Variants in RBP7 observed in about 807,000 individuals in gnomAD.
RBP7 encodes the protein retinol binding protein 7.
In RBP7, 13 loss-of-function variants were observed where a neutral mutation model predicts 16.7. That is an observed-to-expected ratio of 0.78 (90% CI 0.51 to 1.24). The LOEUF (loss-of-function observed/expected upper bound fraction) is 1.24, where lower values mean the gene tolerates loss of function less well. RBP7 is among the 50% of genes most tolerant of loss of function. The pLI is 0.00. For synonymous variants in RBP7, 54 were observed against 56.2 expected, an observed-to-expected ratio of 0.96 and a Z score of 0.17; for missense variants, 145 against 159.5, an observed-to-expected ratio of 0.91 and a Z score of 0.49.
At chr1:10,004,957 C>G (rs1642400228) in intron 1 of RBP7, among the ~76,000 whole-genome samples, 2 of 152,078 alleles carry the variant, frequency 1.3e-5, no homozygotes, top group South Asian at 4.1e-4. Context: ...TGCACCACTG[C>G]AGTCCAGCCT....
intron 1 of RBP7, among the ~76,000 whole-genome samples, chr1:10,000,294 G>A (rs1057452802): frequency 2.6e-5 from 4 of 151,716 alleles, no homozygotes; most frequent in Admixed American, 2.6e-4. Context: ...CACTTTGGGA[G>A]GCCGAGGTGG....
chr1:10,002,072 C>T (rs1296875065), intron 1 of RBP7, among the ~76,000 whole-genome samples: 1 of 152,146 alleles, frequency 6.6e-6, no homozygotes, highest in Non-Finnish European at 1.5e-5. Flanking sequence ...AGGTGACCTG[C>T]CTGCCTCGGC....
At position 10,007,784 on chromosome 1, in the gene RBP7, C is replaced by T. The variant is rs758876479; in HGVS notation, c.252+36C>T. 86 of 1,592,584 alleles carry T rather than the reference C, an allele frequency of 5.4e-5. No homozygotes were observed. In the East Asian group the frequency reaches 6.5e-4, roughly 12 times the overall value. On this transcript the variant is annotated intron_variant, in intron 2 of 3. Transcript: ENST00000294435. ...AAGAAATGCCAGGTGCGGTGGATTACGCTTGTAATCCTAACACTTTGGGAG... is the reference window on the plus strand; with the variant it reads ...AAGAAATGCCAGGTGCGGTGGATTATGCTTGTAATCCTAACACTTTGGGAG...
Position 10,001,029 on chromosome 1 carries a change from T to C in RBP7, c.73+3698T>C, listed in dbSNP as rs186704750. On this transcript the variant is annotated intron_variant, in intron 1 of 3. Transcript: ENST00000294435. ...GATTACAGGCGTGAGCTACCGTGCCTGGCTGATTGCCTCTTTTTTAGTAGT... is the reference window on the plus strand; with the variant it reads ...GATTACAGGCGTGAGCTACCGTGCCCGGCTGATTGCCTCTTTTTTAGTAGT... Among the ~76,000 whole-genome samples, 433 of 152,254 alleles carry C rather than the reference T, an allele frequency of 2.8e-3. 3 individuals are homozygous for C. Among genetic ancestry groups the C allele is most frequent in the African/African-American group, 9.4e-3 (390 of 41,562 alleles).
At chr1:10,008,464 T>C (rs1425840832) in intron 3 of RBP7, among the ~76,000 whole-genome samples, 190 bp downstream of exon 3, 2 of 145,086 alleles carry the variant, frequency 1.4e-5, no homozygotes. Flanking sequence ...TTTTTTGAGA[T>C]GGAGTATCGC....
At chr1:10,002,051 C>A (rs1642293358) in intron 1 of RBP7, among the ~76,000 whole-genome samples, 1 of 152,040 alleles carries the variant, frequency 6.6e-6, no homozygotes, top group South Asian at 2.1e-4. Flanking sequence ...TGGTCTCGAA[C>A]TCCTGAGCTC....
intron 1 of RBP7, among the ~76,000 whole-genome samples, chr1:10,000,730 G>A (rs1385170782): frequency 6.6e-6 from 1 of 151,626 alleles, no homozygotes; most frequent in East Asian, 1.9e-4. Flanking sequence ...ATAAATGATC[G>A]CCTCTTTTTT....
chr1:10,009,105 A>G (rs1205057386), intron 3 of RBP7, among the ~76,000 whole-genome samples: 6 of 152,082 alleles, frequency 3.9e-5, no homozygotes. Context: ...GAAGCATCAG[A>G]ATCCAGTTTA....
chr1:10,005,854 C>T (rs778507412), intron 1 of RBP7, among the ~76,000 whole-genome samples: 9 of 152,076 alleles, frequency 5.9e-5, no homozygotes, highest in Admixed American at 3.9e-4. Context: ...TGAGCCACCA[C>T]GGCTGGCAGA....
intron 3 of RBP7, among the ~76,000 whole-genome samples, chr1:10,008,661 G>A (rs574291959): frequency 1.3e-5 from 2 of 151,188 alleles, no homozygotes; most frequent in African/African-American, 2.4e-5. Flanking sequence ...GGATGGTCTC[G>A]ATCTCTTGAC....
intron 3 of RBP7, among the ~76,000 whole-genome samples, chr1:10,009,804 T>C (rs2101737851): frequency 6.6e-6 from 1 of 152,144 alleles, no homozygotes; most frequent in East Asian, 1.9e-4. Context: ...AGTGTTGGGA[T>C]TACAGGCGTG....
At position 10,015,840 on chromosome 1, in the gene RBP7, C is replaced by T. The variant is rs370892676; in HGVS notation, c.*8C>T. 162 of 1,613,552 alleles carry T rather than the reference C, an allele frequency of 1.0e-4. 2 individuals carry two copies. Among genetic ancestry groups the T allele is most frequent in the African/African-American group, 9.2e-4 (69 of 75,042 alleles). ...ACATTCCAGAGAGCCTGATCCACAT[C>T]CAGCAGCAGAGCCCACTTGTGGCTG... On this transcript the variant is annotated 3_prime_UTR_variant, in exon 4 of 4. Coordinates refer to ENST00000294435, the MANE Select transcript of RBP7 (RefSeq NM_052960.3).
At chr1:10,005,568 G>GGT (rs1164316731) in intron 1 of RBP7, among the ~76,000 whole-genome samples, 4 of 143,518 alleles carry the variant, frequency 2.8e-5, no homozygotes, top group African/African-American at 7.5e-5. Flanking sequence ...TGTTGTTTGG[G>GGT]TTTTTTTTTT....
At chr1:10,011,430 G>C (rs779788549) in intron 3 of RBP7, among the ~76,000 whole-genome samples, 9 of 152,196 alleles carry the variant, frequency 5.9e-5, no homozygotes, top group Non-Finnish European at 1.0e-4. Flanking sequence ...TAAGGTTATA[G>C]CTGTCTAGGT....
intron 1 of RBP7, among the ~76,000 whole-genome samples, chr1:10,001,345 G>A (rs139533327): frequency 0.022 from 3,314 of 152,158 alleles, 113 homozygotes; most frequent in African/African-American, 0.074. Context: ...TTGCTCTGTC[G>A]CTCAGGCTGT....
rs147735686 is a variant in RBP7 at position 10,008,370 on chromosome 1, G to A, written c.354+96G>A. The A allele has an allele frequency of 4.4e-3, 3,234 of 733,324 alleles. 17 individuals are homozygous for A. Among genetic ancestry groups the A allele is most frequent in the Non-Finnish European group, 4.3e-3 (1,822 of 423,704 alleles). 45.4% of individuals were successfully genotyped at this position (733,324 alleles called of 1,614,324 possible). Reference sequence around the variant, plus strand: ...TCACACCTGTAATCCCAGCATTTTAGGAGGCCGAGGTGGGTGTATCACTTG... The same window carrying A: ...TCACACCTGTAATCCCAGCATTTTAAGAGGCCGAGGTGGGTGTATCACTTG... On this transcript the variant is annotated intron_variant, in intron 3 of 3. Coordinates refer to ENST00000294435, the MANE Select transcript of RBP7 (RefSeq NM_052960.3).
intron 1 of RBP7, among the ~76,000 whole-genome samples, chr1:10,003,465 C>G (rs889647133): frequency 6.6e-6 from 1 of 152,060 alleles, no homozygotes; most frequent in African/African-American, 2.4e-5. Flanking sequence ...AACAAAAAAA[C>G]CACCCCTTAC....
At chr1:10,010,688 A>T (rs1642591939) in intron 3 of RBP7, among the ~76,000 whole-genome samples, 1 of 150,672 alleles carries the variant, frequency 6.6e-6, no homozygotes, top group Admixed American at 6.7e-5. Context: ...GGGTTCAACG[A>T]TTTTCCTGCC....
intron 1 of RBP7, among the ~76,000 whole-genome samples, chr1:10,002,177 T>C (rs1000826839): frequency 4.6e-5 from 7 of 152,122 alleles, no homozygotes; most frequent in African/African-American, 1.7e-4. Context: ...CCACATTGCC[T>C]TGAGATTAGA....
Sources: allele counts gnomAD v4.1 joint callset (sites outside exome capture counted in the v4.1 genomes callset), GRCh38; gene constraint gnomAD v4.1.1; transcripts MANE v1.5; gene names NCBI Gene and HGNC (gene_info 2026-07-23, HGNC 2026-07-21).